MTMR2: variants seen among roughly 807,000 people sequenced by gnomAD.
The protein encoded by MTMR2 is phosphatidylinositol-3,5-bisphosphate 3-phosphatase MTMR2.
A neutral mutation model predicts 86.9 loss-of-function variants in MTMR2; 55 were observed. The observed-to-expected ratio is 0.63, with a 90% confidence interval of 0.51 to 0.79. MTMR2 has a LOEUF of 0.79. MTMR2 is among the 30% of genes least tolerant of loss of function. The pLI, the probability that MTMR2 is intolerant of heterozygous loss-of-function variation, is 0.00. For synonymous variants in MTMR2, 241 were observed against 266.8 expected (o/e 0.90, Z 0.94); for missense variants, 659 against 772.3 (o/e 0.85, Z 1.74).
At position 95,850,011 on chromosome 11, in the gene MTMR2, T is replaced by G. The variant is rs529122010; in HGVS notation, c.805-149A>C. On this transcript the variant is annotated intron_variant, in intron 8 of 14. Transcript: ENST00000346299. Reference sequence around the variant, plus strand: ...GAGGCTGCTAAGAAAAATCATCACCTTTCCTTCAAGCCAATTCTGGGATGT... The same window carrying G: ...GAGGCTGCTAAGAAAAATCATCACCGTTCCTTCAAGCCAATTCTGGGATGT... 1.1e-3 allele frequency: 843 copies of G among 758,414 alleles called. 3 individuals carry two copies. Among genetic ancestry groups the G allele is most frequent in the Non-Finnish European group, 1.7e-3 (753 of 456,062 alleles). The allele number at this position is 758,414 out of a possible 1,614,324, so 47.0% of individuals were successfully genotyped here.
intron 3 of MTMR2, among the ~76,000 whole-genome samples, chr11:95,864,837 TA>T (rs1864549872): frequency 6.6e-6 from 1 of 151,174 alleles, no homozygotes; most frequent in African/African-American, 2.5e-5. Context: ...CCTAGCCAAG[TA>T]AAATTCAGCA....
intron 1 of MTMR2, among the ~76,000 whole-genome samples, chr11:95,916,874 G>A (rs1866731391): frequency 6.6e-6 from 1 of 152,102 alleles, no homozygotes; most frequent in African/African-American, 2.4e-5. Context: ...ACTTGGGGAA[G>A]GGAAGAATTA....
At chr11:95,894,325 T>C (rs1865810583) in intron 1 of MTMR2, among the ~76,000 whole-genome samples, 2 of 152,300 alleles carry the variant, frequency 1.3e-5, no homozygotes, top group South Asian at 4.1e-4. Context: ...TATTTACTAT[T>C]TCAAGATTCT....
At chr11:95,852,207 T>C (rs1864047767) in intron 7 of MTMR2, among the ~76,000 whole-genome samples, 1 of 152,232 alleles carries the variant, frequency 6.6e-6, no homozygotes, top group African/African-American at 2.4e-5. Flanking sequence ...TCAGGTTTCA[T>C]TAACTTCATT....
intron 7 of MTMR2, among the ~76,000 whole-genome samples, chr11:95,852,343 A>G (rs1864052612): frequency 6.6e-6 from 1 of 152,250 alleles, no homozygotes; most frequent in Admixed American, 6.5e-5. Context: ...TTCCTCAAGA[A>G]AAATTTACTA....
At chr11:95,862,428 A>C in intron 3 of MTMR2, 62 bp from the exon 4 acceptor site, 226 of 1,224,586 alleles carry the variant, frequency 1.8e-4, no homozygotes, top group Non-Finnish European at 2.5e-4. Flanking sequence ...CTGCTATCTC[A>C]TCTTATAAAA....
rs1285616348 is a variant in MTMR2, at chr11:95,900,886, A to G, written c.81-12625T>C. ...TGATGCTGTTTTCTAGATGTCATTA[A>G]TGACCTCAGGAACAAAACCAGGGGC... On this transcript the variant is annotated intron_variant, in intron 1 of 14. Coordinates refer to ENST00000346299, the MANE Select transcript of MTMR2 (RefSeq NM_016156.6). Among the ~76,000 whole-genome samples, 7 of 152,182 alleles carry G rather than the reference A, an allele frequency of 4.6e-5. No homozygotes were observed. In the East Asian group the frequency reaches 1.3e-3, roughly 29 times the overall value.
chr11:95,908,592 A>G (rs980293192), intron 1 of MTMR2, among the ~76,000 whole-genome samples: 16 of 152,268 alleles, frequency 1.1e-4, no homozygotes, highest in South Asian at 2.1e-4. Flanking sequence ...TTCAAACTAT[A>G]CTACAAGGCT....
intron 1 of MTMR2, among the ~76,000 whole-genome samples, chr11:95,893,636 C>T (rs574660426): frequency 6.6e-6 from 1 of 152,092 alleles, no homozygotes; most frequent in Non-Finnish European, 1.5e-5. Flanking sequence ...TTAGGACTTA[C>T]GATTAGAAAC....
intron 1 of MTMR2, among the ~76,000 whole-genome samples, chr11:95,914,650 T>C (rs1034857739): frequency 5.3e-5 from 8 of 152,166 alleles, no homozygotes; most frequent in Admixed American, 3.9e-4. Flanking sequence ...TTGGTGAATG[T>C]ATACTGTATC....
At chr11:95,872,883 TG>T in intron 2 of MTMR2, among the ~76,000 whole-genome samples, 1 of 152,376 alleles carries the variant, frequency 6.6e-6, no homozygotes, top group East Asian at 1.9e-4. Flanking sequence ...ATGTGGTTTT[TG>T]TCATTGATTC....
chr11:95,836,171 A>G lies in MTMR2; in HGVS notation c.1747T>C (p.Trp583Arg). Residue 583 changes from tryptophan to arginine, a missense_variant, in exon 14 of 15, where the codon TGG becomes CGG. Transcript: ENST00000346299. ...LELWVGYYIR[W>R]NPRMKPQEPI... ...ACCTGTGGTTTCATCCGTGGATTCC[A>G]CCTTATGTAATATCCCACCCAGAGC... is the stretch of plus-strand genomic sequence containing the variant. 1 of 1,612,384 alleles carries G rather than the reference A, an allele frequency of 6.2e-7. No homozygotes were observed. Among genetic ancestry groups the G allele is most frequent in the Non-Finnish European group, 8.5e-7 (1 of 1,178,906 alleles).
chr11:95,896,341 G>C (rs1225026036), intron 1 of MTMR2, among the ~76,000 whole-genome samples: 1 of 150,582 alleles, frequency 6.6e-6, no homozygotes, highest in African/African-American at 2.4e-5. Flanking sequence ...TTTGAGGCAG[G>C]GTCTTCCTCT....
rs147841861 is a variant in MTMR2, at chr11:95,905,917, T to A, written c.81-17656A>T. ...AACAAAAAAAAAAACTATGGTTTGCTATCCTAATTTCAGATGAAACAGACT... is the reference window on the plus strand; with the variant it reads ...AACAAAAAAAAAAACTATGGTTTGCAATCCTAATTTCAGATGAAACAGACT... On this transcript the variant is annotated intron_variant, in intron 1 of 14. Transcript: ENST00000346299. Among the ~76,000 whole-genome samples the A allele has an allele frequency of 6.6e-5, 10 of 152,224 alleles. 1 individual carries two copies. In the East Asian group the frequency reaches 1.9e-3, roughly 29 times the overall value.
chr11:95,873,371 C>A (rs1213640919), intron 2 of MTMR2, among the ~76,000 whole-genome samples: 1 of 152,162 alleles, frequency 6.6e-6, no homozygotes, highest in East Asian at 1.9e-4. Flanking sequence ...TCCATTTCTT[C>A]TAGATTTTCT....
At chr11:95,918,965 G>T (rs577142819) in intron 1 of MTMR2, among the ~76,000 whole-genome samples, 14 of 152,124 alleles carry the variant, frequency 9.2e-5, no homozygotes, top group Non-Finnish European at 1.8e-4. Flanking sequence ...AGCCTCCCAA[G>T]TATCTGGGAC....
Position 95,870,737 on chromosome 11 carries a change from CTTTTT to C in MTMR2, c.187-5066_187-5062del, listed in dbSNP as rs1300942795. Among the ~76,000 whole-genome samples, 5 of 125,058 alleles carry C rather than the reference CTTTTT, an allele frequency of 4.0e-5. No individual in the cohort carries two copies. In the East Asian group the frequency reaches 6.5e-4, roughly 16 times the overall value. The allele number at this position is 125,058 out of a possible 152,430, so 82.0% of individuals were successfully genotyped here. On this transcript the variant is annotated intron_variant, in intron 2 of 14. Coordinates refer to ENST00000346299, the MANE Select transcript of MTMR2 (RefSeq NM_016156.6). ...TTTTTAAGGTTCTTTTTTTCTTTTT[CTTTTT>C]TTTTTTATTATACTTTAAGTTTCAG...
intron 2 of MTMR2, among the ~76,000 whole-genome samples, chr11:95,874,335 T>C (rs1246101400): frequency 6.6e-6 from 1 of 152,240 alleles, no homozygotes; most frequent in Non-Finnish European, 1.5e-5. Context: ...AATTGATCCC[T>C]TTACCATTAT....
At chr11:95,882,722 G>A (rs7106833) in intron 2 of MTMR2, among the ~76,000 whole-genome samples, 8,111 of 145,576 alleles carry the variant, frequency 0.056, 794 homozygotes, top group African/African-American at 0.19. Flanking sequence ...ATTATTTTGT[G>A]TTGTTTTTTT....
Sources: gnomAD v4.1 joint callset for allele counts (sites outside exome capture counted in the v4.1 genomes callset) on GRCh38, gnomAD v4.1.1 for gene constraint, MANE v1.5 for transcripts, NCBI Gene and HGNC (gene_info 2026-07-23, HGNC 2026-07-21) for gene names.